Variants in MREG observed in about 807,000 individuals in gnomAD.
The protein encoded by MREG is dilute suppressor protein homolog.
A neutral mutation model predicts 28.5 loss-of-function variants in MREG; 31 were observed. The observed-to-expected ratio is 1.09, with a 90% CI of 0.82 to 1.47. The LOEUF is 1.47. Ranked by LOEUF, MREG falls within the 40% of genes most tolerant of loss-of-function variation. The pLI, the probability that MREG is intolerant of heterozygous loss-of-function variation, is 0.00. For missense variants in MREG, 256 were observed against 257.4 expected (o/e 0.99, Z 0.04); for synonymous variants, 106 against 95.2 (o/e 1.11, Z -0.66).
chr2:215,958,494 C>T (rs1291055300), intron 2 of MREG, among the ~76,000 whole-genome samples: 1 of 152,194 alleles, frequency 6.6e-6, no homozygotes, highest in Admixed American at 6.5e-5. Flanking sequence ...GAGCTCACGT[C>T]TCTTCATAGG....
chr2:216,019,162 C>T (rs1276863221), intron 1 of MREG, among the ~76,000 whole-genome samples: 2 of 152,292 alleles, frequency 1.3e-5, no homozygotes, highest in South Asian at 2.1e-4. Flanking sequence ...TGGGTTACTC[C>T]ATAACTTGTC....
intron 2 of MREG, among the ~76,000 whole-genome samples, chr2:215,963,465 A>G (rs1346018740): frequency 7.0e-6 from 1 of 143,726 alleles, no homozygotes; most frequent in Non-Finnish European, 1.5e-5. Context: ...ACAAAAAAAC[A>G]GAGTTTTTAT....
intron 2 of MREG, among the ~76,000 whole-genome samples, chr2:215,993,774 A>T (rs1271985150): frequency 1.3e-5 from 2 of 152,258 alleles, no homozygotes; most frequent in African/African-American, 2.4e-5. Context: ...GACACTTCTC[A>T]AAAGAAGACA....
chr2:216,033,815 TGCTTG>T (rs1199613204), upstream of MREG: 7 of 152,356 alleles, frequency 4.6e-5, no homozygotes, highest in Non-Finnish European at 1.0e-4. Context: ...GAGCCACGGC[TGCTTG>T]AAAGCTGAAA....
At chr2:215,946,975 G>T in intron 3 of MREG, 48 bp downstream of exon 3, 1 of 1,086,152 alleles carries the variant, frequency 9.2e-7, no homozygotes, top group Non-Finnish European at 1.4e-6. Context: ...GAAGAATAAT[G>T]ATCACAACGA....
chr2:216,000,375 T>C (rs1693985703), intron 1 of MREG, among the ~76,000 whole-genome samples: 1 of 152,116 alleles, frequency 6.6e-6, no homozygotes, highest in Non-Finnish European at 1.5e-5. Flanking sequence ...TAACTACCTG[T>C]GTGGATGCTC....
At chr2:215,999,676 T>C (rs1477509685) in intron 1 of MREG, among the ~76,000 whole-genome samples, 1 of 151,990 alleles carries the variant, frequency 6.6e-6, no homozygotes, top group African/African-American at 2.4e-5. Flanking sequence ...GAAATAGCAG[T>C]GAGAGTGGAA....
chr2:215,985,262 C>G (rs932392214), intron 2 of MREG, among the ~76,000 whole-genome samples: 1 of 152,138 alleles, frequency 6.6e-6, no homozygotes, highest in Non-Finnish European at 1.5e-5. Flanking sequence ...ATTAAGCTCC[C>G]TAGAGCAGAG....
chr2:215,954,713 T>A (rs969146947), intron 2 of MREG, among the ~76,000 whole-genome samples: 5 of 152,166 alleles, frequency 3.3e-5, no homozygotes, highest in African/African-American at 7.2e-5. Context: ...TTTATTTTTT[T>A]TTTTTTAGAG....
At chr2:215,995,916 C>G (rs1693860832) in intron 2 of MREG, among the ~76,000 whole-genome samples, 1 of 151,658 alleles carries the variant, frequency 6.6e-6, no homozygotes, top group Non-Finnish European at 1.5e-5. Flanking sequence ...TTCACTAATT[C>G]AAAATTAGTG....
At position 215,992,548 on chromosome 2, in the gene MREG, T is replaced by C. The variant is rs576532839; in HGVS notation, c.255+3758A>G. Reference sequence around the variant, plus strand: ...CTCACGACTCCTATTCAACATAGTATTGGAAGTTCTGGCCAGGGCAATCAG... The same window carrying C: ...CTCACGACTCCTATTCAACATAGTACTGGAAGTTCTGGCCAGGGCAATCAG... On this transcript the variant is annotated intron_variant, in intron 2 of 4. Coordinates refer to ENST00000263268, the MANE Select transcript of MREG (RefSeq NM_018000.3). Among the ~76,000 whole-genome samples the C allele has an allele frequency of 2.1e-3, 320 of 152,284 alleles. 1 individual carries two copies. The highest frequency in any genetic ancestry group is 7.4e-3 in the African/African-American group (308 of 41,570).
intron 2 of MREG, among the ~76,000 whole-genome samples, chr2:215,960,563 C>T (rs565636621): frequency 1.5e-4 from 23 of 152,132 alleles, no homozygotes; most frequent in Admixed American, 7.2e-4. Context: ...GGGCTGGGCA[C>T]GGTGGCTCAT....
At chr2:215,967,526 G>A (rs1411682862) in intron 2 of MREG, among the ~76,000 whole-genome samples, 1 of 152,202 alleles carries the variant, frequency 6.6e-6, no homozygotes, top group African/African-American at 2.4e-5. Context: ...TCTCTAAAGA[G>A]AATCTCTTCT....
intron 2 of MREG, among the ~76,000 whole-genome samples, chr2:215,991,089 TA>T (rs905036478): frequency 9.9e-5 from 15 of 152,174 alleles, no homozygotes; most frequent in African/African-American, 3.1e-4. Context: ...CAACAGAATA[TA>T]CATTCTTCTC....
intron 2 of MREG, among the ~76,000 whole-genome samples, chr2:215,963,105 G>C (rs1692835290): frequency 1.3e-5 from 2 of 152,022 alleles, no homozygotes; most frequent in African/African-American, 2.4e-5. Flanking sequence ...TCCAGTCTGG[G>C]TGACAGAGCG....
Position 215,943,111 on chromosome 2 carries a change from C to T in MREG, c.*1752G>A, listed in dbSNP as rs1692224584. The T allele has an allele frequency of 8.8e-6, 2 of 226,930 alleles. No homozygotes were observed. Among genetic ancestry groups the T allele is most frequent in the African/African-American group, 4.6e-5 (2 of 43,566 alleles). 14.1% of individuals were successfully genotyped at this position (226,930 alleles called of 1,614,324 possible). On this transcript the variant is annotated 3_prime_UTR_variant, in exon 5 of 5. Coordinates refer to ENST00000263268, the MANE Select transcript of MREG (RefSeq NM_018000.3). ...ATATAAAAATTTTCAAGTCACAGTC[C>T]TCTAAGCAGACTAAATACAAGTTAG...
intron 2 of MREG, among the ~76,000 whole-genome samples, chr2:215,952,842 A>G (rs2105971870): frequency 6.6e-6 from 1 of 152,226 alleles, no homozygotes; most frequent in Non-Finnish European, 1.5e-5. Context: ...TCTGATAGCT[A>G]CTTCCATAAC....
chr2:215,972,677 C>A lies in MREG; in HGVS notation c.255+23629G>T, dbSNP rs545146255. 5.3e-5 allele frequency among the ~76,000 whole-genome samples: 8 copies of A among 150,802 alleles called. No individual in the cohort carries two copies. In the South Asian group the frequency reaches 1.1e-3, roughly 20 times the overall value. Reference sequence around the variant, plus strand: ...TTTTGGGATATGGATATGTTCATGACCTTGATTGTGGTGATGATTTAATGG... The same window carrying A: ...TTTTGGGATATGGATATGTTCATGAACTTGATTGTGGTGATGATTTAATGG... On this transcript the variant is annotated intron_variant, in intron 2 of 4. Coordinates refer to ENST00000263268, the MANE Select transcript of MREG (RefSeq NM_018000.3).
At chr2:215,962,760 C>T (rs556994265) in intron 2 of MREG, among the ~76,000 whole-genome samples, 186 of 150,574 alleles carry the variant, frequency 1.2e-3, no homozygotes, top group African/African-American at 2.3e-3. Context: ...AATAGCCACA[C>T]GTGGCTACTG....
Sources: gnomAD v4.1 joint callset for allele counts (sites outside exome capture counted in the v4.1 genomes callset) on GRCh38, gnomAD v4.1.1 for gene constraint, MANE v1.5 for transcripts, NCBI Gene and HGNC (gene_info 2026-07-23, HGNC 2026-07-21) for gene names.